SHROOM2: variants seen among roughly 807,000 people sequenced by gnomAD.
SHROOM2 encodes the protein protein Shroom2.
SHROOM2 carries 33 observed loss-of-function variants against 75.9 expected under a neutral mutation model. That is an observed-to-expected ratio of 0.43 (90% CI 0.33 to 0.58). The LOEUF (loss-of-function observed/expected upper bound fraction) is 0.58, where lower values mean the gene tolerates loss of function less well. SHROOM2 is among the 20% of genes least tolerant of loss of function. SHROOM2 has a pLI of 0.04. For synonymous variants in SHROOM2, 655 were observed against 663.6 expected (o/e 0.99, Z 0.20); for missense variants, 1,434 against 1,461.2 (o/e 0.98, Z 0.30).
intron 1 of SHROOM2, among the ~76,000 whole-genome samples, chrX:9,811,814 A>G (rs373682589): frequency 8.9e-6 from 1 of 111,920 alleles, no homozygotes; most frequent in African/African-American, 3.2e-5. Context: ...TCAGCTGATC[A>G]TAGGGAACTC....
chrX:9,862,764 C>G (rs755501423), intron 1 of SHROOM2, among the ~76,000 whole-genome samples: 26 of 112,577 alleles, frequency 2.3e-4, no homozygotes, highest in African/African-American at 8.1e-4. Context: ...GGGTCCTGCT[C>G]CAGGATCACC....
At chrX:9,803,720 C>T (rs2083736715) in intron 1 of SHROOM2, among the ~76,000 whole-genome samples, 1 of 111,586 alleles carries the variant, frequency 9.0e-6, no homozygotes, top group Admixed American at 9.6e-5. Flanking sequence ...TGTGACATTG[C>T]ACACAGCCAA....
At chrX:9,818,825 C>A in intron 1 of SHROOM2, 1 of 494,071 alleles carries the variant, frequency 2.0e-6, no homozygotes. Flanking sequence ...ACTGTTTTTT[C>A]CAAATCATCA....
chrX:9,865,987 CGGTGCCT>C (rs2084135386), intron 1 of SHROOM2, among the ~76,000 whole-genome samples: 1 of 109,768 alleles, frequency 9.1e-6, no homozygotes, highest in South Asian at 3.9e-4. Flanking sequence ...GGCATCTTGG[CGGTGCCT>C]GGTGCCTGCT....
chrX:9,898,609 G>A (rs2084348305), intron 5 of SHROOM2, among the ~76,000 whole-genome samples: 1 of 112,034 alleles, frequency 8.9e-6, no homozygotes, highest in African/African-American at 3.3e-5. Context: ...AAGTCCAGTT[G>A]AACATACTGG....
At position 9,937,394 on chromosome X, in the gene SHROOM2, C is replaced by T. The variant is rs199872836; in HGVS notation, c.3848C>T (p.Pro1283Leu). 23 of 1,205,289 alleles carry T rather than the reference C, an allele frequency of 1.9e-5. No homozygotes were observed. In the East Asian group the frequency reaches 2.7e-4, roughly 14 times the overall value. Reference protein sequence around the residue: ...PHRAQPAEPQPLGTQVPPEKD... With the variant: ...PHRAQPAEPQLLGTQVPPEKD... ...AGGGCCCAGCCGGCTGAGCCCCAGC[C>T]CCTGGGCACCCAGGTGCCCCCCGAG... The change falls in exon 7 of 10, where the codon CCC becomes CTC. Residue 1283 changes from proline to leucine, a missense_variant. Coordinates refer to ENST00000380913, the MANE Select transcript of SHROOM2 (RefSeq NM_001649.4).
At chrX:9,932,058 A>G in intron 5 of SHROOM2, 117 bp from the exon 6 acceptor site, 1 of 650,879 alleles carries the variant, frequency 1.5e-6, no homozygotes, top group Admixed American at 4.5e-5. Flanking sequence ...GGGAAAGTGC[A>G]TATGGATTTA....
At chrX:9,918,603 C>T (rs1170954586) in intron 5 of SHROOM2, among the ~76,000 whole-genome samples, 1 of 112,121 alleles carries the variant, frequency 8.9e-6, no homozygotes, top group East Asian at 2.8e-4. Flanking sequence ...AATCTTCCCA[C>T]CTCAGCCTCC....
intron 1 of SHROOM2, among the ~76,000 whole-genome samples, chrX:9,833,525 G>A (rs1394068851): frequency 1.8e-5 from 2 of 109,942 alleles, no homozygotes; most frequent in African/African-American, 3.3e-5. Context: ...TCCTAATTAG[G>A]GACCTCATAA....
chrX:9,941,843 C>T (rs1160259166), intron 8 of SHROOM2, among the ~76,000 whole-genome samples: 5 of 108,046 alleles, frequency 4.6e-5, no homozygotes, highest in Non-Finnish European at 9.6e-5. Flanking sequence ...TGGTGGCGGG[C>T]GCCTGTAGTC....
At chrX:9,907,352 C>T (rs1337019922) in intron 5 of SHROOM2, among the ~76,000 whole-genome samples, 2 of 111,108 alleles carry the variant, frequency 1.8e-5, no homozygotes, top group East Asian at 2.8e-4. Flanking sequence ...TCCACACTGC[C>T]GTGCCGCTCT....
chrX:9,809,022 C>T (rs2083775757), intron 1 of SHROOM2, among the ~76,000 whole-genome samples: 1 of 110,228 alleles, frequency 9.1e-6, no homozygotes, highest in African/African-American at 3.3e-5. Flanking sequence ...AGAATCCCTA[C>T]ATCCATTAGT....
chrX:9,911,338 C>T (rs1327840544), intron 5 of SHROOM2, among the ~76,000 whole-genome samples: 1 of 111,594 alleles, frequency 9.0e-6, no homozygotes, highest in Admixed American at 9.5e-5. Flanking sequence ...CAGCACAGTG[C>T]CTAAGGTTAA....
At chrX:9,847,241 G>A (rs748808682) in intron 1 of SHROOM2, among the ~76,000 whole-genome samples, 1 of 112,232 alleles carries the variant, frequency 8.9e-6, no homozygotes, top group African/African-American at 3.2e-5. Context: ...CCTTTTATTG[G>A]TGGGGATTTT....
intron 1 of SHROOM2, among the ~76,000 whole-genome samples, chrX:9,838,259 A>C (rs1601938007): frequency 9.2e-6 from 1 of 109,060 alleles, no homozygotes; most frequent in Non-Finnish European, 1.9e-5. Flanking sequence ...GCAGGGTTTC[A>C]CCATGTTAGC....
intron 1 of SHROOM2, among the ~76,000 whole-genome samples, chrX:9,872,061 G>A (rs1180700104): frequency 8.9e-6 from 1 of 112,262 alleles, no homozygotes; most frequent in Non-Finnish European, 1.9e-5. Context: ...TTTTGGCTTT[G>A]TGGGCCAAGC....
chrX:9,823,951 G>A (rs779876502), intron 1 of SHROOM2, among the ~76,000 whole-genome samples: 2 of 109,141 alleles, frequency 1.8e-5, no homozygotes, highest in East Asian at 5.8e-4. Context: ...TAGAGACAAG[G>A]TTTTGCCATG....
chrX:9,944,561 G>A, intron 8 of SHROOM2, 80 bp from the exon 9 acceptor site: 5 of 1,035,969 alleles, frequency 4.8e-6, no homozygotes, highest in African/African-American at 1.9e-5. Context: ...GTGCGCCAAG[G>A]TGGCAGTGAG....
At chrX:9,931,140 G>A (rs1602012925) in intron 5 of SHROOM2, among the ~76,000 whole-genome samples, 1 of 111,626 alleles carries the variant, frequency 9.0e-6, no homozygotes, top group Admixed American at 9.5e-5. Flanking sequence ...GGTTGCTGTT[G>A]TCTGAAGCTG....
Sources: allele counts gnomAD v4.1 joint callset (sites outside exome capture counted in the v4.1 genomes callset), GRCh38; gene constraint gnomAD v4.1.1; transcripts MANE v1.5; gene names NCBI Gene and HGNC (gene_info 2026-07-23, HGNC 2026-07-21).